The following DLG2 variants were observed in gnomAD, a reference collection of about 807,000 sequenced individuals.
The protein encoded by DLG2 is disks large homolog 2.
DLG2 carries 45 observed loss-of-function variants against 132.5 expected under a neutral mutation model. That is an observed-to-expected ratio of 0.34 (90% CI 0.27 to 0.44). The LOEUF (loss-of-function observed/expected upper bound fraction) is 0.44, where lower values mean the gene tolerates loss of function less well. Among genes scored for constraint, DLG2 ranks in the 20% least tolerant of loss-of-function variants. The pLI is 1.00. For synonymous variants in DLG2, 424 were observed against 419.6 expected (o/e 1.01, Z -0.13); for missense variants, 1,045 against 1,196.9 (o/e 0.87, Z 1.87).
chr11:84,531,127 G>C (rs2099338273), intron 7 of DLG2, among the ~76,000 whole-genome samples: 1 of 151,448 alleles, frequency 6.6e-6, no homozygotes, highest in African/African-American at 2.4e-5. Flanking sequence ...AAAAAGAAAA[G>C]AAAAAAAAGA....
chr11:85,603,491 A>G (rs1340100173), intron 2 of DLG2, among the ~76,000 whole-genome samples: 1 of 151,536 alleles, frequency 6.6e-6, no homozygotes, highest in Non-Finnish European at 1.5e-5. Context: ...ATTTTTCGGG[A>G]AACCTACAAG....
In DLG2 at chr11:84,688,309, A is replaced by T. The variant is rs1189983908; in HGVS notation, c.358-153578T>A. Among the ~76,000 whole-genome samples the T allele has an allele frequency of 3.6e-4, 55 of 152,164 alleles. 1 individual carries two copies. The highest frequency in any genetic ancestry group is 3.6e-3 in the Admixed American group (55 of 15,278). Reference sequence around the variant, plus strand: ...GGTCTCACCACTGCCCACAACTCTTACAGCCAAAGTATATATAAAATAAAT... The same window carrying T: ...GGTCTCACCACTGCCCACAACTCTTTCAGCCAAAGTATATATAAAATAAAT... On this transcript the variant is annotated intron_variant, in intron 6 of 27. Transcript: ENST00000376104.
At chr11:84,383,437 G>A (rs1286563249) in intron 7 of DLG2, among the ~76,000 whole-genome samples, 1 of 152,010 alleles carries the variant, frequency 6.6e-6, no homozygotes, top group Non-Finnish European at 1.5e-5. Flanking sequence ...AAGGTGATGG[G>A]ATGTCACCCT....
chr11:84,632,552 T>C (rs1406010953), intron 6 of DLG2, among the ~76,000 whole-genome samples: 1 of 152,148 alleles, frequency 6.6e-6, no homozygotes, highest in Non-Finnish European at 1.5e-5. Context: ...AAAGGAGCAT[T>C]TACCATAGTA....
chr11:84,234,242 T>C (rs1010369150), intron 8 of DLG2, among the ~76,000 whole-genome samples: 4 of 152,180 alleles, frequency 2.6e-5, no homozygotes, highest in African/African-American at 9.6e-5. Context: ...ACATGATCTC[T>C]CAAATTGCCC....
chr11:84,986,241 C>T (rs1041141660), intron 6 of DLG2, among the ~76,000 whole-genome samples: 2 of 151,994 alleles, frequency 1.3e-5, no homozygotes, highest in African/African-American at 4.8e-5. Flanking sequence ...ACCTTCCTAG[C>T]TTAAATCGGG....
At position 85,470,146 on chromosome 11, in the gene DLG2, T is replaced by TA. The variant is rs533121148; in HGVS notation, c.40+128510dup. Among the ~76,000 whole-genome samples, 177 of 122,984 alleles carry TA rather than the reference T, an allele frequency of 1.4e-3. 1 individual carries two copies. Among genetic ancestry groups the TA allele is most frequent in the Middle Eastern group, 4.7e-3 (1 of 214 alleles). The allele number at this position is 122,984 out of a possible 152,430, so 80.7% of individuals were successfully genotyped here. On this transcript the variant is annotated intron_variant, in intron 3 of 27. Coordinates refer to ENST00000376104, the MANE Select transcript of DLG2 (RefSeq NM_001142699.3). ...ATTTTCTCCCTAGATACCAACAATG[T>TA]AAAAAAAAAAAAAAGTAACTTTGGT...
At chr11:84,915,479 C>A (rs2092397127) in intron 6 of DLG2, among the ~76,000 whole-genome samples, 1 of 152,166 alleles carries the variant, frequency 6.6e-6, no homozygotes, top group African/African-American at 2.4e-5. Context: ...CTATATGTTA[C>A]TTAAACAACT....
At chr11:83,929,334 T>A (rs1400559714) in intron 15 of DLG2, among the ~76,000 whole-genome samples, 1 of 152,152 alleles carries the variant, frequency 6.6e-6, no homozygotes, top group Non-Finnish European at 1.5e-5. Flanking sequence ...ATGAAGATAT[T>A]CCTGTCTGAA....
At chr11:85,017,954 C>A (rs1344111857) in intron 6 of DLG2, among the ~76,000 whole-genome samples, 1 of 152,100 alleles carries the variant, frequency 6.6e-6, no homozygotes, top group Non-Finnish European at 1.5e-5. Context: ...GAACACGGGG[C>A]CTTCATTTCT....
chr11:84,654,247 A>G (rs573355092), intron 6 of DLG2, among the ~76,000 whole-genome samples: 1 of 152,020 alleles, frequency 6.6e-6, no homozygotes, highest in Non-Finnish European at 1.5e-5. Flanking sequence ...CCCATCTCTC[A>G]CTGAATCTTG....
intron 3 of DLG2, among the ~76,000 whole-genome samples, chr11:85,567,037 A>G (rs2077568183): frequency 1.3e-5 from 2 of 152,140 alleles, no homozygotes; most frequent in African/African-American, 4.8e-5. Flanking sequence ...TTATGTGTCT[A>G]TCTTTATGCT....
intron 16 of DLG2, among the ~76,000 whole-genome samples, chr11:83,872,441 C>T (rs1276094906): frequency 6.6e-6 from 1 of 152,120 alleles, no homozygotes; most frequent in African/African-American, 2.4e-5. Flanking sequence ...TTGTGTTATT[C>T]ACTAGATATA....
At chr11:83,814,826 A>T (rs970925034) in intron 17 of DLG2, 1 of 239,756 alleles carries the variant, frequency 4.2e-6, no homozygotes, top group Non-Finnish European at 9.2e-6. Context: ...TCAGAGGGAC[A>T]CCAGCAATGT....
chr11:84,529,787 AG>A (rs1378164152), intron 7 of DLG2, among the ~76,000 whole-genome samples: 4 of 152,234 alleles, frequency 2.6e-5, no homozygotes, highest in Non-Finnish European at 5.9e-5. Context: ...GAATTAGAGA[AG>A]AACAATTAAA....
At chr11:85,362,062 C>G (rs1401470747) in intron 3 of DLG2, among the ~76,000 whole-genome samples, 1 of 152,126 alleles carries the variant, frequency 6.6e-6, no homozygotes, top group African/African-American at 2.4e-5. Context: ...CTCGACCTCC[C>G]AGGCTCAAGT....
At chr11:85,411,065 G>C (rs2089264896) in intron 3 of DLG2, among the ~76,000 whole-genome samples, 2 of 151,804 alleles carry the variant, frequency 1.3e-5, no homozygotes, top group Admixed American at 1.3e-4. Flanking sequence ...GTAAGTGAAA[G>C]GGAAATAAAA....
chr11:84,795,256 A>C (rs1370656660), intron 6 of DLG2, among the ~76,000 whole-genome samples: 1 of 152,092 alleles, frequency 6.6e-6, no homozygotes, highest in African/African-American at 2.4e-5. Context: ...CTGAACACTC[A>C]GGACACTCTG....
At chr11:83,668,212 G>T (rs943624537) in intron 18 of DLG2, among the ~76,000 whole-genome samples, 1 of 152,022 alleles carries the variant, frequency 6.6e-6, no homozygotes, top group Non-Finnish European at 1.5e-5. Flanking sequence ...TCAGATTTAT[G>T]TAGAAACAAG....
Sources: gnomAD v4.1 joint callset for allele counts (sites outside exome capture counted in the v4.1 genomes callset) on GRCh38, gnomAD v4.1.1 for gene constraint, MANE v1.5 for transcripts, NCBI Gene and HGNC (gene_info 2026-07-23, HGNC 2026-07-21) for gene names.